CSMD1: variants seen among roughly 807,000 people sequenced by gnomAD.
The protein encoded by CSMD1 is CUB and Sushi multiple domains 1, also known as CUB and sushi domain-containing protein 1.
Under a neutral mutation model 417.5 loss-of-function variants are expected in CSMD1, and 213 were observed. The ratio of observed to expected loss-of-function variants is 0.51; its 90% confidence interval spans 0.46 to 0.57. The LOEUF (loss-of-function observed/expected upper bound fraction) is 0.57. Ranked by LOEUF, CSMD1 falls within the 20% of genes least tolerant of loss-of-function variation. The probability of loss-of-function intolerance (pLI) is 0.00; values close to 1 mark genes in which losing one functional copy is unlikely to be tolerated. For missense variants in CSMD1, 6,923 were observed against 4,529.7 expected (o/e 1.53, Z -15.17); for synonymous variants, 2,862 against 1,736.8 (o/e 1.65, Z -16.11).
intron 3 of CSMD1, among the ~76,000 whole-genome samples, chr8:4,355,894 G>A (rs1285856696): frequency 1.3e-5 from 2 of 151,794 alleles, no homozygotes; most frequent in Non-Finnish European, 2.9e-5. Context: ...AACAGCGCAG[G>A]TGAGTCTCAT....
intron 3 of CSMD1, among the ~76,000 whole-genome samples, chr8:4,231,079 A>G (rs952354680): frequency 6.6e-6 from 1 of 152,232 alleles, no homozygotes; most frequent in East Asian, 1.9e-4. Flanking sequence ...TACAAGGGTT[A>G]TCCTAAATTA....
chr8:3,067,939 A>C (rs34416199), intron 49 of CSMD1, among the ~76,000 whole-genome samples: 1 of 151,964 alleles, frequency 6.6e-6, no homozygotes, highest in African/African-American at 2.4e-5. Context: ...GTAAGGGGTA[A>C]AGCCAGACTC....
At chr8:3,813,658 T>G (rs985759527) in intron 5 of CSMD1, among the ~76,000 whole-genome samples, 6 of 152,164 alleles carry the variant, frequency 3.9e-5, no homozygotes, top group African/African-American at 1.4e-4. Flanking sequence ...TTATACAAAA[T>G]TATTTAAGTG....
At chr8:4,193,879 G>T (rs772725510) in intron 3 of CSMD1, among the ~76,000 whole-genome samples, 1 of 151,928 alleles carries the variant, frequency 6.6e-6, no homozygotes, top group African/African-American at 2.4e-5. Flanking sequence ...AGCCTCAGCA[G>T]AACTGGCCAC....
At chr8:3,354,371 T>C (rs1808603305) in intron 21 of CSMD1, among the ~76,000 whole-genome samples, 1 of 152,088 alleles carries the variant, frequency 6.6e-6, no homozygotes. Flanking sequence ...CACTGTGAAA[T>C]TGGGAAAACT....
rs1435217110 is a variant in CSMD1, at chr8:3,730,917, G to C, written c.932-22426C>G. 3.9e-5 allele frequency among the ~76,000 whole-genome samples: 6 copies of C among 152,318 alleles called. No individual in the cohort carries two copies. The South Asian group carries it at 6.2e-4, about 16-fold the overall frequency. ...ACGTAGACCAATTTGCTGCTTCAAA[G>C]TGCCATTTCTTGCCAAAGGTTGCTT... On this transcript the variant is annotated intron_variant, in intron 6 of 69. Coordinates refer to ENST00000635120, the MANE Select transcript of CSMD1 (RefSeq NM_033225.6).
intron 3 of CSMD1, among the ~76,000 whole-genome samples, chr8:4,347,991 C>A (rs942805739): frequency 6.6e-6 from 1 of 152,108 alleles, no homozygotes; most frequent in Admixed American, 6.6e-5. Flanking sequence ...CACTGGCAAA[C>A]ATGCGTCACT....
intron 1 of CSMD1, among the ~76,000 whole-genome samples, chr8:4,898,456 G>T (rs948618927): frequency 1.3e-5 from 2 of 151,428 alleles, no homozygotes; most frequent in African/African-American, 2.5e-5. Flanking sequence ...GGTGTAGAAA[G>T]TGTAAGTGAG....
intron 1 of CSMD1, among the ~76,000 whole-genome samples, chr8:4,912,989 G>C (rs192654003): frequency 6.6e-6 from 1 of 152,028 alleles, no homozygotes; most frequent in Non-Finnish European, 1.5e-5. Flanking sequence ...GGGTTTTACC[G>C]TGTTGGCCAG....
At chr8:4,291,275 T>G (rs993859412) in intron 3 of CSMD1, among the ~76,000 whole-genome samples, 5 of 152,126 alleles carry the variant, frequency 3.3e-5, no homozygotes, top group African/African-American at 1.2e-4. Flanking sequence ...TTCAAAAGGA[T>G]AAATATGGAT....
At chr8:3,174,218 G>A (rs1585554664) in intron 37 of CSMD1, among the ~76,000 whole-genome samples, 1 of 152,172 alleles carries the variant, frequency 6.6e-6, no homozygotes, top group African/African-American at 2.4e-5. Flanking sequence ...CAGAGTCCAG[G>A]CACAGTGGCT....
intron 1 of CSMD1, among the ~76,000 whole-genome samples, chr8:4,819,571 A>C (rs1254526993): frequency 6.6e-6 from 1 of 152,166 alleles, no homozygotes; most frequent in Non-Finnish European, 1.5e-5. Flanking sequence ...CTCATAAGTA[A>C]AATGTGTGTA....
chr8:3,617,913 G>A (rs764841042), intron 7 of CSMD1, among the ~76,000 whole-genome samples: 11 of 152,134 alleles, frequency 7.2e-5, no homozygotes, highest in Non-Finnish European at 1.3e-4. Context: ...AATTCCGTGA[G>A]AAGAAAATAA....
chr8:3,471,234 G>T (rs1445905093), intron 11 of CSMD1, among the ~76,000 whole-genome samples: 1 of 152,120 alleles, frequency 6.6e-6, no homozygotes, highest in Non-Finnish European at 1.5e-5. Context: ...GGGTAATGAT[G>T]TACAACATTG....
In CSMD1 at chr8:3,609,811, C is replaced by CTTTTTTTTT. The variant is rs71534362; in HGVS notation, c.1097+6890_1097+6898dup. 5.8e-4 allele frequency among the ~76,000 whole-genome samples: 44 copies of CTTTTTTTTT among 75,274 alleles called. 6 individuals are homozygous for CTTTTTTTTT. Among genetic ancestry groups the CTTTTTTTTT allele is most frequent in the Non-Finnish European group, 9.4e-4 (40 of 42,474 alleles). The allele number at this position is 75,274 out of a possible 152,430, so 49.4% of individuals were successfully genotyped here. A position where few individuals can be genotyped will look rare whatever the true frequency, so the allele number is the denominator to read the frequency against. Reference sequence around the variant, plus strand: ...AAAAGACTGTTAAAAAGTATCTTCCCTTTTTTTTTTTTTTTTTTTTTTTTT... The same window carrying CTTTTTTTTT: ...AAAAGACTGTTAAAAAGTATCTTCCCTTTTTTTTTTTTTTTTTTTTTTTTTTTTTTTTTT... On this transcript the variant is annotated intron_variant, in intron 8 of 69. Transcript: ENST00000635120.
At chr8:3,273,148 T>C (rs1296393965) in intron 26 of CSMD1, among the ~76,000 whole-genome samples, 1 of 151,576 alleles carries the variant, frequency 6.6e-6, no homozygotes, top group Admixed American at 6.6e-5. Context: ...TGAAAGGTTG[T>C]TGAATTTTGT....
At chr8:4,462,324 A>G (rs369486167) in intron 2 of CSMD1, among the ~76,000 whole-genome samples, 51 of 152,312 alleles carry the variant, frequency 3.3e-4, no homozygotes, top group Admixed American at 9.2e-4. Context: ...TCCAAAAACT[A>G]TAAGTGTTTA....
chr8:3,619,172 T>C (rs1313908938), intron 7 of CSMD1, among the ~76,000 whole-genome samples: 1 of 152,076 alleles, frequency 6.6e-6, no homozygotes, highest in East Asian at 1.9e-4. Flanking sequence ...TTAATATGTT[T>C]AAAAGCAGCT....
intron 3 of CSMD1, among the ~76,000 whole-genome samples, chr8:4,082,868 G>T (rs1266817102): frequency 1.4e-5 from 2 of 147,954 alleles, no homozygotes; most frequent in Admixed American, 6.9e-5. Context: ...TGCGGTGTTT[G>T]GTTTTTTGTC....
Sources: allele counts gnomAD v4.1 joint callset (sites outside exome capture counted in the v4.1 genomes callset), GRCh38; gene constraint gnomAD v4.1.1; transcripts MANE v1.5; gene names NCBI Gene and HGNC (gene_info 2026-07-23, HGNC 2026-07-21).